PCDH15: variants seen among roughly 807,000 people sequenced by gnomAD.
PCDH15 encodes protocadherin related 15, also known as protocadherin-15.
Under a neutral mutation model 178.5 loss-of-function variants are expected in PCDH15, and 129 were observed. The ratio of observed to expected loss-of-function variants is 0.72; its 90% CI spans 0.63 to 0.84. The LOEUF is 0.84. Among genes scored for constraint, PCDH15 ranks in the 40% least tolerant of loss-of-function variants. PCDH15 has a pLI of 0.00. For synonymous variants in PCDH15, 800 were observed against 732.0 expected, an observed-to-expected ratio of 1.09 and a Z score of -1.50; for missense variants, 2,230 against 2,099.9, an observed-to-expected ratio of 1.06 and a Z score of -1.21.
At chr10:55,601,418 T>C (rs1329477957) in intron 2 of PCDH15, among the ~76,000 whole-genome samples, 2 of 152,042 alleles carry the variant, frequency 1.3e-5, no homozygotes, top group African/African-American at 4.8e-5. Context: ...AAGTCACTAG[T>C]TGTTGAAGGA....
At chr10:54,636,607 T>C (rs2093859288) in intron 2 of PCDH15, among the ~76,000 whole-genome samples, 1 of 151,872 alleles carries the variant, frequency 6.6e-6, no homozygotes, top group Non-Finnish European at 1.5e-5. Flanking sequence ...GATTTAAGAT[T>C]TTAGGTTAGG....
At chr10:54,362,334 G>A (rs1431950745) in intron 5 of PCDH15, among the ~76,000 whole-genome samples, 1 of 151,858 alleles carries the variant, frequency 6.6e-6, no homozygotes, top group Admixed American at 6.6e-5. Flanking sequence ...GACAAAAGGA[G>A]TAAGAAAAAT....
intron 20 of PCDH15, among the ~76,000 whole-genome samples, 153 bp from the exon 21 acceptor site, chr10:53,995,918 C>T (rs146488145): frequency 6.6e-6 from 1 of 152,180 alleles, no homozygotes; most frequent in Admixed American, 6.5e-5. Flanking sequence ...CAGACTGGCA[C>T]CTCAGAGGAA....
At chr10:54,618,295 A>G (rs900347821) in intron 2 of PCDH15, among the ~76,000 whole-genome samples, 1 of 152,162 alleles carries the variant, frequency 6.6e-6, no homozygotes, top group African/African-American at 2.4e-5. Context: ...TTAGGTTATT[A>G]CAAATGCCCT....
At chr10:54,993,562 G>T (rs1839562953) in intron 2 of PCDH15, among the ~76,000 whole-genome samples, 1 of 152,010 alleles carries the variant, frequency 6.6e-6, no homozygotes, top group African/African-American at 2.4e-5. Context: ...TAACAAAATG[G>T]ATATTGGACA....
intron 2 of PCDH15, chr10:54,641,130 AT>A (rs1376826520): frequency 1.3e-5 from 3 of 233,804 alleles, no homozygotes; most frequent in Non-Finnish European, 2.6e-5. Context: ...AAAAATTAAA[AT>A]TTTTTTAAAA....
chr10:54,527,189 GC>G (rs1018320159), intron 3 of PCDH15, among the ~76,000 whole-genome samples: 3 of 152,066 alleles, frequency 2.0e-5, no homozygotes, highest in African/African-American at 4.8e-5. Flanking sequence ...AGTCAAGGTG[GC>G]CGATGCAGAA....
Position 54,462,680 on chromosome 10 carries a change from ATTTTTTTTTTTTTTTTTT to A in PCDH15, c.157+65114_157+65131del, listed in dbSNP as rs767750465. Among the ~76,000 whole-genome samples the A allele has an allele frequency of 8.5e-4, 48 of 56,242 alleles. No individual in the cohort carries two copies. In the East Asian group the frequency reaches 0.03, roughly 35 times the overall value. 36.9% of individuals were successfully genotyped at this position (56,242 alleles called of 152,430 possible). ...AGGCACGTGTCACCACACCTGCTTA[ATTTTTTTTTTTTTTTTTT>A]TTTTTTTTTTTTTAAGTAGAGACAG... On this transcript the variant is annotated intron_variant, in intron 3 of 37. Coordinates refer to ENST00000644397, the MANE Select transcript of PCDH15 (RefSeq NM_001384140.1).
chr10:53,817,329 G>GTAAGT (rs2076095654), intron 34 of PCDH15, among the ~76,000 whole-genome samples: 1 of 152,076 alleles, frequency 6.6e-6, no homozygotes, highest in South Asian at 2.1e-4. Context: ...AGAATGCCCA[G>GTAAGT]TAAGTTCTCT....
chr10:55,252,703 C>T (rs1330272236), intron 1 of PCDH15, among the ~76,000 whole-genome samples: 1 of 151,836 alleles, frequency 6.6e-6, no homozygotes, highest in Non-Finnish European at 1.5e-5. Flanking sequence ...AAACCTAGAG[C>T]AAGTTAGCTT....
intron 2 of PCDH15, among the ~76,000 whole-genome samples, chr10:54,596,955 T>A (rs1038603021): frequency 6.6e-6 from 1 of 152,124 alleles, no homozygotes; most frequent in Non-Finnish European, 1.5e-5. Flanking sequence ...ACCAAGTTCT[T>A]AGGGACCTTC....
intron 2 of PCDH15, among the ~76,000 whole-genome samples, chr10:55,042,048 A>T (rs1840875846): frequency 6.6e-6 from 1 of 152,142 alleles, no homozygotes; most frequent in Admixed American, 6.6e-5. Flanking sequence ...TTCAGATACA[A>T]GGCGGGAAGA....
At chr10:53,901,790 T>C (rs2082353075) in intron 26 of PCDH15, among the ~76,000 whole-genome samples, 1 of 152,192 alleles carries the variant, frequency 6.6e-6, no homozygotes. Context: ...GTCTTGATCT[T>C]TTCCTTTATT....
At chr10:54,090,634 A>T (rs1055999516) in intron 15 of PCDH15, among the ~76,000 whole-genome samples, 1 of 118,244 alleles carries the variant, frequency 8.5e-6, no homozygotes, top group Non-Finnish European at 1.7e-5. Context: ...ACAGAGCAAG[A>T]TCTTGTCTCA....
At chr10:53,953,296 A>G (rs1337550230) in intron 23 of PCDH15, among the ~76,000 whole-genome samples, 1 of 152,264 alleles carries the variant, frequency 6.6e-6, no homozygotes, top group Admixed American at 6.5e-5. Context: ...GAAGCACACA[A>G]TGTCTTGATC....
chr10:55,146,346 T>G (rs1838510010), intron 2 of PCDH15, among the ~76,000 whole-genome samples: 1 of 151,936 alleles, frequency 6.6e-6, no homozygotes, highest in African/African-American at 2.4e-5. Context: ...TTCTCCTTTC[T>G]TCTTATCCAT....
At chr10:55,497,622 T>G (rs1414361988) in intron 2 of PCDH15, among the ~76,000 whole-genome samples, 2 of 151,798 alleles carry the variant, frequency 1.3e-5, no homozygotes, top group African/African-American at 4.8e-5. Flanking sequence ...AAACTAAAAT[T>G]AACAGCATTT....
At chr10:55,093,364 CT>C (rs1015536145) in intron 2 of PCDH15, among the ~76,000 whole-genome samples, 26 of 151,872 alleles carry the variant, frequency 1.7e-4, no homozygotes, top group African/African-American at 6.3e-4. Flanking sequence ...CGGAAAAAGT[CT>C]TTAAAAATTA....
intron 23 of PCDH15, among the ~76,000 whole-genome samples, chr10:53,945,282 ATTC>A (rs1246081482): frequency 6.6e-6 from 1 of 152,064 alleles, no homozygotes; most frequent in Non-Finnish European, 1.5e-5. Flanking sequence ...AATTTTTTGT[ATTC>A]TTATTTATTT....
Sources: allele counts gnomAD v4.1 joint callset (sites outside exome capture counted in the v4.1 genomes callset), GRCh38; gene constraint gnomAD v4.1.1; transcripts MANE v1.5; gene names NCBI Gene and HGNC (gene_info 2026-07-23, HGNC 2026-07-21).